The following RAB2A variants were observed in gnomAD, a reference collection of about 807,000 sequenced individuals.
RAB2A encodes ras-related protein Rab-2A.
In RAB2A, 7 loss-of-function variants were observed where a neutral mutation model predicts 32.5. The observed-to-expected ratio is 0.22, with a 90% confidence interval of 0.12 to 0.40. The LOEUF is 0.40. RAB2A is among the 10% of genes least tolerant of loss of function. The pLI, the probability that RAB2A is intolerant of heterozygous loss-of-function variation, is 1.00. For synonymous variants in RAB2A, 79 were observed against 85.2 expected (o/e 0.93, Z 0.40); for missense variants, 108 against 260.7 (o/e 0.41, Z 4.03).
At chr8:60,520,997 G>A (rs960165707) in intron 1 of RAB2A, among the ~76,000 whole-genome samples, 3 of 152,002 alleles carry the variant, frequency 2.0e-5, no homozygotes, top group African/African-American at 7.2e-5. Flanking sequence ...TTAAATTTTT[G>A]TAGAGATGGG....
intron 1 of RAB2A, among the ~76,000 whole-genome samples, chr8:60,537,920 T>C (rs1009465556): frequency 6.6e-6 from 1 of 152,066 alleles, no homozygotes; most frequent in Non-Finnish European, 1.5e-5. Context: ...CCTCAAGCAG[T>C]CCTCCCACCT....
intron 1 of RAB2A, among the ~76,000 whole-genome samples, chr8:60,522,976 T>C (rs1807324168): frequency 6.6e-6 from 1 of 152,180 alleles, no homozygotes; most frequent in African/African-American, 2.4e-5. Flanking sequence ...TTTTATTATA[T>C]AAGCAGATTT....
At chr8:60,599,976 G>A (rs1372212350) in intron 6 of RAB2A, among the ~76,000 whole-genome samples, 1 of 151,694 alleles carries the variant, frequency 6.6e-6, no homozygotes, top group Non-Finnish European at 1.5e-5. Context: ...CTTCAGAGTG[G>A]GAGAAAATAT....
chr8:60,605,852 T>TATATATATATATATA (rs777621349), intron 6 of RAB2A, among the ~76,000 whole-genome samples: 1 of 144,746 alleles, frequency 6.9e-6, no homozygotes, highest in Non-Finnish European at 1.5e-5. Context: ...TATATATATA[T>TATATATATATATATA]AATGCTTCAT....
chr8:60,589,251 A>C (rs2130852066), intron 5 of RAB2A, among the ~76,000 whole-genome samples: 1 of 152,354 alleles, frequency 6.6e-6, no homozygotes, highest in African/African-American at 2.4e-5. Context: ...CTGATAGTTC[A>C]AATGTGAGAA....
chr8:60,536,466 TTTCTC>T (rs1474614123), intron 1 of RAB2A, among the ~76,000 whole-genome samples: 11 of 152,140 alleles, frequency 7.2e-5, no homozygotes, highest in Admixed American at 5.2e-4. Context: ...ATGAAAAAGT[TTTCTC>T]TTCAAGCAAC....
chr8:60,534,093 T>G (rs1469804375), intron 1 of RAB2A, among the ~76,000 whole-genome samples: 2 of 152,134 alleles, frequency 1.3e-5, no homozygotes, highest in African/African-American at 4.8e-5. Context: ...ACAATAACTA[T>G]AAGAAAATGT....
chr8:60,520,227 C>T (rs989416088), intron 1 of RAB2A, among the ~76,000 whole-genome samples: 3 of 152,202 alleles, frequency 2.0e-5, no homozygotes, highest in Non-Finnish European at 2.9e-5. Flanking sequence ...AAAACTTTTA[C>T]ATGATCATGA....
chr8:60,539,333 G>A (rs781435547), intron 1 of RAB2A, among the ~76,000 whole-genome samples: 3 of 152,106 alleles, frequency 2.0e-5, no homozygotes, highest in Non-Finnish European at 4.4e-5. Context: ...TACTGGGAAA[G>A]GAAAAAGAAG....
chr8:60,579,184 AG>A (rs1803692146), intron 3 of RAB2A, among the ~76,000 whole-genome samples: 1 of 152,180 alleles, frequency 6.6e-6, no homozygotes, highest in African/African-American at 2.4e-5. Flanking sequence ...CTGGGATTAC[AG>A]GCACGTGCCA....
chr8:60,571,175 TGTAA>T (rs1238413063), intron 2 of RAB2A, among the ~76,000 whole-genome samples: 1 of 152,200 alleles, frequency 6.6e-6, no homozygotes, highest in Non-Finnish European at 1.5e-5. Context: ...GTAGTAAACT[TGTAA>T]GTGTGAAGTC....
chr8:60,598,956 AAAAAAAAAAAG>A (rs1804081264), intron 6 of RAB2A, among the ~76,000 whole-genome samples: 1 of 148,854 alleles, frequency 6.7e-6, no homozygotes, highest in Non-Finnish European at 1.5e-5. Context: ...AAAAAAAAAA[AAAAAAAAAAAG>A]AAAAGGCATA....
chr8:60,523,503 A>G (rs1023756508), intron 1 of RAB2A, among the ~76,000 whole-genome samples: 21 of 151,876 alleles, frequency 1.4e-4, no homozygotes, highest in Non-Finnish European at 2.6e-4. Context: ...CCAGTTTTCC[A>G]CTGGCCTGAA....
chr8:60,553,233 G>A (rs1807884026), intron 1 of RAB2A, among the ~76,000 whole-genome samples: 2 of 152,206 alleles, frequency 1.3e-5, no homozygotes, highest in African/African-American at 4.8e-5. Context: ...TTTGGGGGCT[G>A]GACAAGCAAG....
At chr8:60,596,342 A>C (rs1329213998) in intron 6 of RAB2A, among the ~76,000 whole-genome samples, 1 of 152,238 alleles carries the variant, frequency 6.6e-6, no homozygotes, top group African/African-American at 2.4e-5. Context: ...AAAAGAAACT[A>C]TCATCAGAGT....
At chr8:60,533,210 T>G (rs1435527033) in intron 1 of RAB2A, among the ~76,000 whole-genome samples, 1 of 152,172 alleles carries the variant, frequency 6.6e-6, no homozygotes, top group Non-Finnish European at 1.5e-5. Flanking sequence ...AAAGAATAAA[T>G]GTGATGCTAG....
intron 1 of RAB2A, among the ~76,000 whole-genome samples, chr8:60,520,815 ATAT>A (rs1807290868): frequency 6.6e-6 from 1 of 151,716 alleles, no homozygotes; most frequent in Non-Finnish European, 1.5e-5. Flanking sequence ...TATTTTACTT[ATAT>A]TATTTATCTA....
chr8:60,619,890 A>G (rs1045212856), intron 7 of RAB2A, among the ~76,000 whole-genome samples: 4 of 152,264 alleles, frequency 2.6e-5, no homozygotes, highest in East Asian at 1.9e-4. Context: ...GGCAAAATCA[A>G]TGAGCCATAG....
chr8:60,573,679 G>A (rs1808228587), intron 3 of RAB2A, among the ~76,000 whole-genome samples: 1 of 152,142 alleles, frequency 6.6e-6, no homozygotes, highest in Non-Finnish European at 1.5e-5. Context: ...AAACTGCATG[G>A]AAAAGAGGAA....
Sources: gnomAD v4.1 joint callset for allele counts (sites outside exome capture counted in the v4.1 genomes callset) on GRCh38, gnomAD v4.1.1 for gene constraint, MANE v1.5 for transcripts, NCBI Gene and HGNC (gene_info 2026-07-23, HGNC 2026-07-21) for gene names.